Variants in MYBPC2 observed in about 807,000 individuals in gnomAD.
MYBPC2 encodes the protein myosin binding protein C2.
MYBPC2 carries 122 observed loss-of-function variants against 137.0 expected under a neutral mutation model. The observed-to-expected ratio is 0.89, with a 90% confidence interval of 0.77 to 1.03. The LOEUF is 1.03. MYBPC2 is among the 50% of genes least tolerant of loss of function. The pLI, the probability that MYBPC2 is intolerant of heterozygous loss-of-function variation, is 0.00. For synonymous variants in MYBPC2, 626 were observed against 612.3 expected, an observed-to-expected ratio of 1.02 and a Z score of -0.33; for missense variants, 1,500 against 1,534.4, an observed-to-expected ratio of 0.98 and a Z score of 0.37.
At chr19:50,459,597 G>T (rs2039952240) in intron 23 of MYBPC2, among the ~76,000 whole-genome samples, 1 of 54,348 alleles carries the variant, frequency 1.8e-5, no homozygotes, top group Admixed American at 1.7e-4. Flanking sequence ...GAGAGGAGGT[G>T]AGAGATGGGG....
chr19:50,444,598 T>C (rs967321768), intron 11 of MYBPC2, among the ~76,000 whole-genome samples: 3 of 152,154 alleles, frequency 2.0e-5, no homozygotes, highest in Admixed American at 6.6e-5. Context: ...AATGTCAACA[T>C]GGCCGGGCGC....
At chr19:50,457,513 AG>A (rs765852128) in intron 20 of MYBPC2, among the ~76,000 whole-genome samples, 22 of 152,204 alleles carry the variant, frequency 1.4e-4, no homozygotes, top group Non-Finnish European at 2.8e-4. Context: ...AGGAGAGCAG[AG>A]CTTGAGAGCG....
Position 50,465,617 on chromosome 19 carries a change from G to A in MYBPC2, c.3416-578G>A, listed in dbSNP as rs1422035066. Among the ~76,000 whole-genome samples, 1 of 152,190 alleles carries A rather than the reference G, an allele frequency of 6.6e-6. No homozygotes were observed. The highest frequency in any genetic ancestry group is 1.5e-5 in the Non-Finnish European group (1 of 68,044). ...AGCACATTGGGAGGCCAAGGCAGGC[G>A]AGTTGCTTGAGCCCAGGAGTTCAAG... On this transcript the variant is annotated intron_variant, in intron 27 of 27. Transcript: ENST00000357701. This position sits in a 1 kb window ranked among gnomAD's most constrained non-coding sequence, Gnocchi z 4.5.
At position 50,442,191 on chromosome 19, in the gene MYBPC2, G is replaced by A. The variant is rs1479772770; in HGVS notation, c.780G>A (p.Lys260=). The A allele has an allele frequency of 6.3e-7, 1 of 1,593,906 alleles. No homozygotes were observed. The highest frequency in any genetic ancestry group is 1.1e-5 in the South Asian group (1 of 87,644). Residue 260 remains lysine (K), a synonymous_variant, in exon 9 of 28, where the codon AAG becomes AAA. Coordinates refer to ENST00000357701, the MANE Select transcript of MYBPC2 (RefSeq NM_004533.4). ...VEVKKSAAFT[K]KLDPAYQVDR... ...TGCCTCAATCTTCAGCATTCACAAA[G>A]AAGCTGGATCCAGCCTACCAAGTGG...
At chr19:50,460,804 TC>T (rs527414596) in intron 24 of MYBPC2, among the ~76,000 whole-genome samples, 2 of 151,392 alleles carry the variant, frequency 1.3e-5, no homozygotes, top group Admixed American at 6.6e-5. Context: ...CTCAGGTGAT[TC>T]CCCCCCATCT....
At position 50,459,311 on chromosome 19, in the gene MYBPC2, G is replaced by A. The variant is rs749099634; in HGVS notation, c.2791+5G>A. 38 of 1,592,498 alleles carry A rather than the reference G, an allele frequency of 2.4e-5. No homozygotes were observed. Among genetic ancestry groups the A allele is most frequent in the African/African-American group, 1.4e-5 (1 of 73,488 alleles). On this transcript the variant is annotated splice_donor_5th_base_variant and intron_variant, in intron 23 of 27. Coordinates refer to ENST00000357701, the MANE Select transcript of MYBPC2 (RefSeq NM_004533.4). ...CCATCCGCATCCGCGTTGTGGGTGCGCGCGCTGGGGAGGGCCCCTGGAGGC... is the reference window on the plus strand; with the variant it reads ...CCATCCGCATCCGCGTTGTGGGTGCACGCGCTGGGGAGGGCCCCTGGAGGC...
chr19:50,437,329 C>T lies in MYBPC2; in HGVS notation c.464-144C>T, dbSNP rs531284592. The T allele has an allele frequency of 5.0e-4, 438 of 877,530 alleles. 1 individual carries two copies. Among genetic ancestry groups the T allele is most frequent in the Middle Eastern group, 3.5e-3 (15 of 4,286 alleles). The allele number at this position is 877,530 out of a possible 1,614,324, so 54.4% of individuals were successfully genotyped here. A position where few individuals can be genotyped will look rare whatever the true frequency, so the allele number is the denominator to read the frequency against. On this transcript the variant is annotated intron_variant, in intron 5 of 27. Transcript: ENST00000357701. ...GAGCTGGTCTAGAACTAGAGGATGC[C>T]CAGGCCTGAGCAAGGTTGTGCTGGT...
Position 50,454,037 on chromosome 19 carries a change from G to C in MYBPC2, c.1767G>C (p.Glu589Asp). Residue 589 changes from glutamate to aspartate, a missense_variant, in exon 17 of 28, where the codon GAG (glutamate) becomes GAC (aspartate). By Grantham distance (45) the Glu-to-Asp change is conservative. Transcript: ENST00000357701. ...GCGTTCAGGTATTCACGACCACCGA[G>C]GGCAGGACCCGCATCGAGAAGCGGG... ...LKGDEVFTTT[E>D]GRTRIEKRVD... is the part of the protein sequence containing the mutation. The C allele has an allele frequency of 6.2e-7, 1 of 1,604,946 alleles. No homozygotes were observed. The highest frequency in any genetic ancestry group is 8.5e-7 in the Non-Finnish European group (1 of 1,176,168).
In MYBPC2 at chr19:50,435,885, G is replaced by A; in HGVS notation, c.196+23G>A. On this transcript the variant is annotated intron_variant, in intron 3 of 27. Coordinates refer to ENST00000357701, the MANE Select transcript of MYBPC2 (RefSeq NM_004533.4). This position sits in a 1 kb window ranked among gnomAD's most constrained non-coding sequence, Gnocchi z 4.8. ...CTGGTGAGGGGAACCCGGGGGAGGA[G>A]GGGCTGCGGCCCGGACTCCTGGGTC... 6.4e-7 allele frequency: 1 copy of A among 1,567,446 alleles called. No homozygotes were observed.
intron 4 of MYBPC2, among the ~76,000 whole-genome samples, chr19:50,436,393 G>T (rs1196098259): frequency 1.3e-5 from 2 of 152,128 alleles, no homozygotes; most frequent in Non-Finnish European, 2.9e-5. Context: ...TACATTCCTG[G>T]CAAGGCCTGA....
chr19:50,451,211 G>T, intron 14 of MYBPC2, 69 bp from the exon 15 acceptor site: 1 of 1,562,128 alleles, frequency 6.4e-7, no homozygotes, highest in Non-Finnish European at 8.8e-7. Context: ...CTCTTCCTCT[G>T]GGCTGTGAAG....
rs533188677 is a variant in MYBPC2, at chr19:50,448,532, G to A, written c.1472+142G>A. The A allele has an allele frequency of 1.6e-5, 18 of 1,138,632 alleles. No individual in the cohort carries two copies. In the Admixed American group the frequency reaches 1.7e-4, roughly 11 times the overall value. The allele number at this position is 1,138,632 out of a possible 1,614,324, so 70.5% of individuals were successfully genotyped here. A position where few individuals can be genotyped will look rare whatever the true frequency, so the allele number is the denominator to read the frequency against. On this transcript the variant is annotated intron_variant, in intron 13 of 27. Coordinates refer to ENST00000357701, the MANE Select transcript of MYBPC2 (RefSeq NM_004533.4). ...TGCCCAGGCTAGAGTGCAATGGCGCGATCTCAGCTCACTGCAACCTCCGCC... is the reference window on the plus strand; with the variant it reads ...TGCCCAGGCTAGAGTGCAATGGCGCAATCTCAGCTCACTGCAACCTCCGCC...
At position 50,446,986 on chromosome 19, in the gene MYBPC2, TA is replaced by T. The variant is rs529228553; in HGVS notation, c.1306+953del. ...TGGGTGACAGAGCAAGACTCCGTCT[TA>T]AAAAAAAAAAAAAAAAAATCTGAAA... On this transcript the variant is annotated intron_variant, in intron 12 of 27. Transcript: ENST00000357701. Among the ~76,000 whole-genome samples the T allele has an allele frequency of 5.7e-3, 738 of 129,998 alleles. 4 individuals carry two copies. Among genetic ancestry groups the T allele is most frequent in the Admixed American group, 8.7e-3 (111 of 12,814 alleles). The allele number at this position is 129,998 out of a possible 152,430, so 85.3% of individuals were successfully genotyped here.
intron 5 of MYBPC2, 72 bp from the exon 6 acceptor site, chr19:50,437,401 G>T: frequency 1.3e-6 from 2 of 1,494,562 alleles, no homozygotes; most frequent in Middle Eastern, 1.7e-4. Context: ...TGCAGGCCTG[G>T]AGAGGGGCTC....
At chr19:50,436,556 G>C in intron 4 of MYBPC2, 61 bp from the exon 5 acceptor site, 1 of 1,418,756 alleles carries the variant, frequency 7.0e-7, no homozygotes, top group South Asian at 1.2e-5. Flanking sequence ...TGGACTCTGA[G>C]GAATATGGGG....
At position 50,435,435 on chromosome 19, in the gene MYBPC2, G is replaced by A. The variant is rs985144488; in HGVS notation, c.109+185G>A. Among the ~76,000 whole-genome samples the A allele has an allele frequency of 1.3e-5, 2 of 152,218 alleles. No homozygotes were observed. The highest frequency in any genetic ancestry group is 2.9e-5 in the Non-Finnish European group (2 of 68,030). Reference sequence around the variant, plus strand: ...CCCTGGCACCCGCAGGCAGAGCCCAGCCCCTCGGCTGGCATCGGCTCCGGT... The same window carrying A: ...CCCTGGCACCCGCAGGCAGAGCCCAACCCCTCGGCTGGCATCGGCTCCGGT... On this transcript the variant is annotated intron_variant, in intron 2 of 27. Coordinates refer to ENST00000357701, the MANE Select transcript of MYBPC2 (RefSeq NM_004533.4). This position sits in a 1 kb window ranked among gnomAD's most constrained non-coding sequence, Gnocchi z 4.8.
Position 50,460,118 on chromosome 19 carries a change from A to G in MYBPC2, c.2870A>G (p.Lys957Arg), listed in dbSNP as rs1356612092. The G allele has an allele frequency of 1.3e-5, 20 of 1,576,402 alleles. No individual in the cohort carries two copies. The highest frequency in any genetic ancestry group is 2.4e-5 in the East Asian group (1 of 42,338). Reference protein sequence around the residue: ...TNALVEWQAPKDDGNSEIMGY... With the variant: ...TNALVEWQAPRDDGNSEIMGY... ...GCGCTGGTGGAGTGGCAGGCCCCCAAAGATGATGGGAACAGTGAGATCATG... is the reference window on the plus strand; with the variant it reads ...GCGCTGGTGGAGTGGCAGGCCCCCAGAGATGATGGGAACAGTGAGATCATG... The change falls in exon 24 of 28, where the codon AAA (lysine) becomes AGA (arginine). Residue 957 changes from lysine to arginine, a missense_variant. By Grantham distance (26) the Lys-to-Arg change is conservative. Transcript: ENST00000357701.
At chr19:50,452,466 G>A (rs62116068) in intron 16 of MYBPC2, among the ~76,000 whole-genome samples, 11 of 147,102 alleles carry the variant, frequency 7.5e-5, no homozygotes, top group South Asian at 2.1e-4. Context: ...CTATGTATCT[G>A]TGTATGTATG....
At position 50,445,987 on chromosome 19, in the gene MYBPC2, A is replaced by T. The variant is rs2039801711; in HGVS notation, c.1241A>T (p.Glu414Val). The T allele has an allele frequency of 3.7e-6, 6 of 1,613,346 alleles. No homozygotes were observed. In the South Asian group the frequency reaches 5.5e-5, roughly 15 times the overall value. ...HILIFSDVVQ[E>V]DRGRYQVITN... ...CTCATCTTCTCAGACGTGGTCCAGG[A>T]GGACAGGGGTCGCTATCAGGTCATA... is the stretch of plus-strand genomic sequence containing the variant. Residue 414 changes from glutamate to valine, a missense_variant, in exon 12 of 28, where the codon GAG becomes GTG. Physicochemically the swap from Glu to Val is moderately radical, Grantham distance 121. Coordinates refer to ENST00000357701, the MANE Select transcript of MYBPC2 (RefSeq NM_004533.4).
Sources: allele counts gnomAD v4.1 joint callset (sites outside exome capture counted in the v4.1 genomes callset), GRCh38; gene constraint gnomAD v4.1.1; non-coding constraint Gnocchi (gnomAD v3.1); transcripts MANE v1.5; gene names NCBI Gene and HGNC (gene_info 2026-07-23, HGNC 2026-07-21).